The following ZNF521 variants were observed in gnomAD, a reference collection of about 807,000 sequenced individuals.
ZNF521 encodes the protein zinc finger protein 521.
Under a neutral mutation model 105.5 loss-of-function variants are expected in ZNF521, and 14 were observed. The observed-to-expected ratio is 0.13, with a 90% CI of 0.09 to 0.21. The LOEUF (loss-of-function observed/expected upper bound fraction) is 0.21, where lower values mean the gene tolerates loss of function less well. Among genes scored for constraint, ZNF521 ranks in the 10% least tolerant of loss-of-function variants. The pLI, the probability that ZNF521 is intolerant of heterozygous loss-of-function variation, is 1.00. For synonymous variants in ZNF521, 635 were observed against 606.0 expected, an observed-to-expected ratio of 1.05 and a Z score of -0.70; for missense variants, 1,233 against 1,629.7, an observed-to-expected ratio of 0.76 and a Z score of 4.19.
At chr18:25,266,695 C>A (rs937015736) in intron 3 of ZNF521, among the ~76,000 whole-genome samples, 1 of 152,036 alleles carries the variant, frequency 6.6e-6, no homozygotes, top group African/African-American at 2.4e-5. Context: ...GGGACTGTAC[C>A]ACGAGGAATG....
chr18:25,217,144 G>T (rs1488294367), intron 4 of ZNF521, among the ~76,000 whole-genome samples: 1 of 152,128 alleles, frequency 6.6e-6, no homozygotes, highest in Non-Finnish European at 1.5e-5. Context: ...AAAGTGGGAA[G>T]CCACGAAAAA....
chr18:25,273,698 T>A (rs1052876095), intron 3 of ZNF521: 3 of 152,210 alleles, frequency 2.0e-5, no homozygotes. Context: ...ATATTTGTTA[T>A]AACTACTTAG....
intron 5 of ZNF521, among the ~76,000 whole-genome samples, chr18:25,144,776 T>A (rs968276380): frequency 6.6e-6 from 1 of 152,226 alleles, no homozygotes; most frequent in South Asian, 2.1e-4. Flanking sequence ...TTCACATTTT[T>A]AAAGTTAGCC....
rs538787662 is a variant in ZNF521, at chr18:25,062,860, A to G, written c.3907-119T>C. 2.2e-5 allele frequency: 22 copies of G among 988,098 alleles called. No homozygotes were observed. In the African/African-American group the frequency reaches 2.8e-4, roughly 12 times the overall value. The allele number at this position is 988,098 out of a possible 1,614,324, so 61.2% of individuals were successfully genotyped here. A position where few individuals can be genotyped will look rare whatever the true frequency, so the allele number is the denominator to read the frequency against. On this transcript the variant is annotated intron_variant, in intron 7 of 7. Coordinates refer to ENST00000361524, the MANE Select transcript of ZNF521 (RefSeq NM_015461.3). ...GCATATATACATGTAATTAATTCAT[A>G]ATGACTTGAACAGAACAATGAGTTT...
At chr18:25,289,523 G>A (rs1910891165) in intron 3 of ZNF521, among the ~76,000 whole-genome samples, 2 of 152,188 alleles carry the variant, frequency 1.3e-5, no homozygotes, top group Admixed American at 6.5e-5. Flanking sequence ...AAGAGCTCGG[G>A]AAGCGCATCA....
At chr18:25,350,977 T>C (rs371341752) in intron 1 of ZNF521, 30 bp from the exon 2 acceptor site, 258 of 1,539,752 alleles carry the variant, frequency 1.7e-4, no homozygotes, top group Middle Eastern at 1.0e-3. Flanking sequence ...GTTGTTTCAA[T>C]TCAGCCCTGA....
chr18:25,214,564 A>G (rs2036247900), intron 4 of ZNF521, among the ~76,000 whole-genome samples: 1 of 152,186 alleles, frequency 6.6e-6, no homozygotes, highest in South Asian at 2.1e-4. Context: ...GCATTTAGTT[A>G]TATCTCGAAA....
chr18:25,289,746 A>G (rs1910909112), intron 3 of ZNF521, among the ~76,000 whole-genome samples: 1 of 152,212 alleles, frequency 6.6e-6, no homozygotes. Flanking sequence ...AGGCTGTGAA[A>G]GGGTCTGAGT....
intron 2 of ZNF521, among the ~76,000 whole-genome samples, chr18:25,339,385 G>A (rs1407278168): frequency 6.6e-6 from 1 of 152,218 alleles, no homozygotes; most frequent in East Asian, 1.9e-4. Context: ...GGATTTGCTT[G>A]AAAGCGCTTC....
intron 4 of ZNF521, chr18:25,224,137 C>T (rs1034072478): frequency 3.5e-6 from 2 of 569,456 alleles, no homozygotes; most frequent in African/African-American, 1.9e-5. Flanking sequence ...GGAATTAGTC[C>T]TATTTTGCAC....
intron 5 of ZNF521, among the ~76,000 whole-genome samples, chr18:25,138,038 C>T (rs2034769891): frequency 6.6e-6 from 1 of 152,114 alleles, no homozygotes; most frequent in Non-Finnish European, 1.5e-5. Context: ...CACAGACATC[C>T]TCACCCACTG....
intron 5 of ZNF521, among the ~76,000 whole-genome samples, chr18:25,177,532 C>CT (rs2144579913): frequency 6.6e-6 from 1 of 151,622 alleles, no homozygotes; most frequent in South Asian, 2.1e-4. Context: ...GGAATGCAAA[C>CT]TTTCTGCTTT....
rs759921950 is a variant in ZNF521 at position 25,226,108 on chromosome 18, A to G, written c.1810T>C (p.Leu604=). ...YIHNGKKSRA[L]SPLSPVAIEQ... ...ATGGCCACAGGAGATAGGGGGCTTA[A>G]GGCCCTGGATTTCTTCCCATTGTGG... is the stretch of plus-strand genomic sequence containing the variant. The change falls in exon 4 of 8, where the codon TTA becomes CTA. Residue 604 remains leucine (L), a synonymous_variant. Coordinates refer to ENST00000361524, the MANE Select transcript of ZNF521 (RefSeq NM_015461.3). The surrounding 1 kb of genome is among the most constrained non-coding windows in gnomAD (Gnocchi z 4.1). 6.2e-7 allele frequency: 1 copy of G among 1,614,204 alleles called. No homozygotes were observed. The highest frequency in any genetic ancestry group is 8.5e-7 in the Non-Finnish European group (1 of 1,180,026).
rs139261624 is a variant in ZNF521 at position 25,065,306 on chromosome 18, G to A, written c.3907-2565C>T. On this transcript the variant is annotated intron_variant, in intron 7 of 7. Coordinates refer to ENST00000361524, the MANE Select transcript of ZNF521 (RefSeq NM_015461.3). ...ATCTGAAATTTTTGAGCACTGACAT[G>A]ATGGAATATAGGTGACTAAGCTAGT... is the stretch of plus-strand genomic sequence containing the variant. Among the ~76,000 whole-genome samples the A allele has an allele frequency of 5.1e-3, 783 of 152,334 alleles. 4 individuals are homozygous for A. Among genetic ancestry groups the A allele is most frequent in the African/African-American group, 0.018 (747 of 41,576 alleles).
At chr18:25,161,078 T>C (rs1433538673) in intron 5 of ZNF521, among the ~76,000 whole-genome samples, 1 of 152,136 alleles carries the variant, frequency 6.6e-6, no homozygotes, top group Non-Finnish European at 1.5e-5. Context: ...GTCACAGTCA[T>C]GATAACTCAT....
chr18:25,226,793 C>T lies in ZNF521; in HGVS notation c.1125G>A (p.Pro375=), dbSNP rs753250096. Residue 375 remains proline, a synonymous_variant, in exon 4 of 8, where the codon CCG becomes CCA. Coordinates refer to ENST00000361524, the MANE Select transcript of ZNF521 (RefSeq NM_015461.3). This position sits in a 1 kb window ranked among gnomAD's most constrained non-coding sequence, Gnocchi z 4.1. ...VDSSTMVEAA[P]PIPKSRGRKR... Reference sequence around the variant, plus strand: ...TCCTCCCTCGACTCTTTGGGATTGGCGGGGCAGCTTCCACCATGGTTGAGC... The same window carrying T: ...TCCTCCCTCGACTCTTTGGGATTGGTGGGGCAGCTTCCACCATGGTTGAGC... 21 of 1,614,006 alleles carry T rather than the reference C, an allele frequency of 1.3e-5. No individual in the cohort carries two copies. The highest frequency in any genetic ancestry group is 1.1e-4 in the East Asian group (5 of 44,856).
At chr18:25,164,283 G>T (rs1032016118) in intron 5 of ZNF521, among the ~76,000 whole-genome samples, 1 of 152,170 alleles carries the variant, frequency 6.6e-6, no homozygotes, top group Non-Finnish European at 1.5e-5. Flanking sequence ...ATGGAAGCAT[G>T]TCTAAAGATG....
At chr18:25,315,382 G>A (rs1053297768) in intron 3 of ZNF521, 52 of 152,308 alleles carry the variant, frequency 3.4e-4, no homozygotes, top group African/African-American at 1.1e-3. Context: ...TGCACCATGA[G>A]ACAAAGGAGA....
intron 6 of ZNF521, 148 bp from the exon 7 acceptor site, chr18:25,089,728 T>C: frequency 1.5e-6 from 1 of 661,400 alleles, no homozygotes; most frequent in Non-Finnish European, 2.7e-6. Context: ...TGAGTCACAT[T>C]TGCTCATGGT....
Sources: gnomAD v4.1 joint callset for allele counts (sites outside exome capture counted in the v4.1 genomes callset) on GRCh38, gnomAD v4.1.1 for gene constraint, Gnocchi (gnomAD v3.1) non-coding constraint, MANE v1.5 for transcripts, NCBI Gene and HGNC (gene_info 2026-07-23, HGNC 2026-07-21) for gene names.